Variants in CATSPERE observed in about 807,000 individuals in gnomAD.
CATSPERE encodes cation channel sperm-associated auxiliary subunit epsilon.
A neutral mutation model predicts 114.1 loss-of-function variants in CATSPERE; 93 were observed. That is an observed-to-expected ratio of 0.81 (90% CI 0.69 to 0.97). The LOEUF is 0.97. Ranked by LOEUF, CATSPERE falls within the 50% of genes least tolerant of loss-of-function variation. The pLI is 0.00. For synonymous variants in CATSPERE, 341 were observed against 384.1 expected (o/e 0.89, Z 1.31); for missense variants, 1,058 against 1,131.6 (o/e 0.93, Z 0.93).
intron 2 of CATSPERE, among the ~76,000 whole-genome samples, chr1:244,466,712 C>G (rs1333295594): frequency 6.6e-6 from 1 of 152,096 alleles, no homozygotes; most frequent in East Asian, 1.9e-4. Context: ...GTCTTAGAAA[C>G]CCCCACTAAT....
intron 8 of CATSPERE, among the ~76,000 whole-genome samples, chr1:244,549,842 A>T (rs1660328729): frequency 6.6e-6 from 1 of 151,900 alleles, no homozygotes; most frequent in Non-Finnish European, 1.5e-5. Context: ...CTGTGAGAGT[A>T]TTTCTGGAAG....
intron 6 of CATSPERE, 43 bp downstream of exon 6, chr1:244,490,514 A>G: frequency 1.8e-6 from 2 of 1,131,864 alleles, no homozygotes; most frequent in Non-Finnish European, 2.6e-6. Context: ...ATATATCACT[A>G]GTATATTGTT....
chr1:244,540,589 T>G (rs1168371385), intron 8 of CATSPERE, among the ~76,000 whole-genome samples: 3 of 149,104 alleles, frequency 2.0e-5, no homozygotes, highest in African/African-American at 7.4e-5. Context: ...CCAAGGTAAT[T>G]TATAGATTCA....
intron 8 of CATSPERE, among the ~76,000 whole-genome samples, chr1:244,533,782 C>G (rs1389979816): frequency 6.6e-6 from 1 of 152,118 alleles, no homozygotes; most frequent in East Asian, 1.9e-4. Context: ...TTCTACTTAA[C>G]ATGTGAGTAA....
intron 17 of CATSPERE, among the ~76,000 whole-genome samples, chr1:244,604,309 G>A (rs150633172): frequency 6.6e-6 from 1 of 152,144 alleles, no homozygotes; most frequent in Admixed American, 6.5e-5. Flanking sequence ...TCTTCATGAC[G>A]TCTCAAAACT....
intron 10 of CATSPERE, among the ~76,000 whole-genome samples, chr1:244,569,590 C>T (rs1664144355): frequency 6.6e-6 from 1 of 151,976 alleles, no homozygotes; most frequent in Non-Finnish European, 1.5e-5. Context: ...TTATTTGTAA[C>T]TTCTGATATG....
intron 20 of CATSPERE, among the ~76,000 whole-genome samples, chr1:244,630,547 A>G (rs1297849034): frequency 1.3e-5 from 2 of 152,132 alleles, no homozygotes; most frequent in Non-Finnish European, 2.9e-5. Flanking sequence ...ATAATATTCT[A>G]TCAGTCCCCA....
intron 20 of CATSPERE, among the ~76,000 whole-genome samples, chr1:244,630,004 T>G (rs1318167168): frequency 3.3e-5 from 5 of 152,164 alleles, no homozygotes; most frequent in Non-Finnish European, 7.3e-5. Flanking sequence ...AGGTCATGTA[T>G]CATCAATATA....
chr1:244,494,153 G>A (rs918995694), intron 6 of CATSPERE, among the ~76,000 whole-genome samples: 13 of 152,072 alleles, frequency 8.5e-5, no homozygotes, highest in East Asian at 1.9e-4. Flanking sequence ...ACATGCACAC[G>A]TATGTTTATT....
intron 20 of CATSPERE, among the ~76,000 whole-genome samples, chr1:244,623,139 G>A (rs912174654): frequency 8.6e-5 from 13 of 151,510 alleles, no homozygotes; most frequent in Middle Eastern, 3.2e-3. Context: ...GTGCAGTGGC[G>A]TGATTTCAGT....
At chr1:244,513,617 A>G (rs899253830) in intron 7 of CATSPERE, among the ~76,000 whole-genome samples, 1 of 152,166 alleles carries the variant, frequency 6.6e-6, no homozygotes, top group African/African-American at 2.4e-5. Flanking sequence ...CCAGTGGTGC[A>G]TGTGGGTGCC....
chr1:244,522,257 G>A (rs1677698842), intron 8 of CATSPERE, among the ~76,000 whole-genome samples: 1 of 152,082 alleles, frequency 6.6e-6, no homozygotes. Context: ...ACAAAATGAA[G>A]GCAGAAATAA....
At chr1:244,567,398 G>A (rs899649759) in intron 10 of CATSPERE, among the ~76,000 whole-genome samples, 1 of 152,138 alleles carries the variant, frequency 6.6e-6, no homozygotes, top group Admixed American at 6.5e-5. Flanking sequence ...GGCCTGTCTT[G>A]TTAGGTTGGG....
chr1:244,502,897 G>A (rs1308240553), intron 7 of CATSPERE, among the ~76,000 whole-genome samples: 1 of 152,138 alleles, frequency 6.6e-6, no homozygotes, highest in South Asian at 2.1e-4. Flanking sequence ...GGAGAGAAAG[G>A]TTCCCATCCC....
chr1:244,573,412 AAAAAC>A lies in CATSPERE; in HGVS notation c.1950+670_1950+674del, dbSNP rs58959857. 0.017 allele frequency among the ~76,000 whole-genome samples: 2,480 copies of A among 150,020 alleles called. 44 individuals carry two copies. Among genetic ancestry groups the A allele is most frequent in the African/African-American group, 0.038 (1,542 of 40,186 alleles). The stretch of plus-strand genomic sequence containing the variant: ...GGTGACAGAGTGAGACTCCCTCTCA[AAAAAC>A]AAAACAAAACAAAACAAAACAAAAC... On this transcript the variant is annotated intron_variant, in intron 11 of 21. Coordinates refer to ENST00000366534, the MANE Select transcript of CATSPERE (RefSeq NM_001130957.2). The surrounding 1 kb of genome is among the most constrained non-coding windows in gnomAD (Gnocchi z 4.0).
intron 6 of CATSPERE, among the ~76,000 whole-genome samples, chr1:244,491,161 C>A (rs964176200): frequency 6.6e-6 from 1 of 151,950 alleles, no homozygotes; most frequent in Non-Finnish European, 1.5e-5. Flanking sequence ...AGCACCACAC[C>A]ACACCTATTC....
intron 6 of CATSPERE, among the ~76,000 whole-genome samples, chr1:244,494,993 T>C (rs1217743953): frequency 1.3e-5 from 2 of 152,140 alleles, no homozygotes; most frequent in South Asian, 2.1e-4. Flanking sequence ...ATAAGAGAAC[T>C]TACAGAAGTA....
chr1:244,623,058 T>TTTTATTTATTTATTTATTTA (rs6143712), intron 20 of CATSPERE, among the ~76,000 whole-genome samples: 15,146 of 145,440 alleles, frequency 0.1, 912 homozygotes, highest in East Asian at 0.22. Context: ...TTTGTCTTAT[T>TTTTATTTATTTATTTATTTA]TTTATTTATT....
chr1:244,478,897 A>C (rs1446215685), intron 4 of CATSPERE, among the ~76,000 whole-genome samples: 1 of 151,466 alleles, frequency 6.6e-6, no homozygotes, highest in Non-Finnish European at 1.5e-5. Context: ...GTGTGGTGGC[A>C]GGCACCTGTA....
Sources: gnomAD v4.1 joint callset for allele counts (sites outside exome capture counted in the v4.1 genomes callset) on GRCh38, gnomAD v4.1.1 for gene constraint, Gnocchi (gnomAD v3.1) non-coding constraint, MANE v1.5 for transcripts, NCBI Gene and HGNC (gene_info 2026-07-23, HGNC 2026-07-21) for gene names.